The following ANOS1 variants were observed in gnomAD, a reference collection of about 807,000 sequenced individuals.
ANOS1 encodes the protein anosmin 1.
ANOS1 carries 6 observed loss-of-function variants against 59.0 expected under a neutral mutation model. That is an observed-to-expected ratio of 0.10 (90% CI 0.06 to 0.20). The LOEUF is 0.20. Ranked by LOEUF, ANOS1 falls within the 10% of genes least tolerant of loss-of-function variation. The probability of loss-of-function intolerance (pLI) is 1.00; values close to 1 mark genes in which losing one functional copy is unlikely to be tolerated. For synonymous variants in ANOS1, 217 were observed against 223.4 expected (o/e 0.97, Z 0.25); for missense variants, 433 against 542.3 (o/e 0.80, Z 2.00).
At chrX:8,551,562 C>A (rs1390677028) in intron 9 of ANOS1, among the ~76,000 whole-genome samples, 3 of 109,362 alleles carry the variant, frequency 2.7e-5, no homozygotes, top group African/African-American at 1.0e-4. Flanking sequence ...TCGCTTGAAC[C>A]CAGGATGCGG....
intron 3 of ANOS1, among the ~76,000 whole-genome samples, chrX:8,599,244 G>A (rs1177664448): frequency 8.9e-6 from 1 of 112,216 alleles, no homozygotes; most frequent in Non-Finnish European, 1.9e-5. Flanking sequence ...CCTCAACGTT[G>A]GAAGTGGAAG....
intron 1 of ANOS1, among the ~76,000 whole-genome samples, chrX:8,703,449 A>G (rs1209861255): frequency 8.9e-6 from 1 of 112,122 alleles, no homozygotes; most frequent in Non-Finnish European, 1.9e-5. Context: ...TGATGTTTTA[A>G]TACTCACCCC....
At position 8,612,460 on chromosome X, in the gene ANOS1, C is replaced by T. The variant is rs112839903; in HGVS notation, c.318+11148G>A. On this transcript the variant is annotated intron_variant, in intron 3 of 13. Coordinates refer to ENST00000262648, the MANE Select transcript of ANOS1 (RefSeq NM_000216.4). ...ATTATATAAAGAGAGTCAAACTAAT[C>T]AAAATTAAGCAAAAGTAAGGAAATA... Among the ~76,000 whole-genome samples the T allele has an allele frequency of 8.6e-4, 92 of 106,430 alleles. 1 individual carries two copies. Among genetic ancestry groups the T allele is most frequent in the African/African-American group, 3.1e-3 (90 of 29,167 alleles). 92.4% of individuals were successfully genotyped at this position (106,430 alleles called of 115,157 possible).
intron 6 of ANOS1, among the ~76,000 whole-genome samples, chrX:8,578,290 G>A (rs1390666231): frequency 9.8e-6 from 1 of 102,176 alleles, no homozygotes; most frequent in Non-Finnish European, 2.0e-5. Context: ...TCCAGACTTG[G>A]CAGTTGGGGT....
chrX:8,536,206 TTTTTTTTTTTA>T (rs1201697379), intron 11 of ANOS1, among the ~76,000 whole-genome samples: 30 of 77,892 alleles, frequency 3.9e-4, no homozygotes, highest in African/African-American at 9.8e-4. Context: ...TTTTTTTTTT[TTTTTTTTTTTA>T]AAAGGTGAGA....
chrX:8,608,128 A>T (rs1225453975), intron 3 of ANOS1, among the ~76,000 whole-genome samples: 1 of 112,029 alleles, frequency 8.9e-6, no homozygotes, highest in Non-Finnish European at 1.9e-5. Flanking sequence ...TAATTTGGCA[A>T]GTGTCACTTT....
intron 10 of ANOS1, among the ~76,000 whole-genome samples, chrX:8,539,067 G>C (rs1481481860): frequency 9.0e-6 from 1 of 111,257 alleles, no homozygotes; most frequent in Non-Finnish European, 1.9e-5. Context: ...TTAGTTTGTT[G>C]ATTCTAATCT....
intron 9 of ANOS1, among the ~76,000 whole-genome samples, chrX:8,551,633 G>A (rs774140589): frequency 3.7e-5 from 4 of 109,062 alleles, no homozygotes; most frequent in Non-Finnish European, 7.6e-5. Flanking sequence ...TAAGAAGAAA[G>A]TTAAAAATGC....
chrX:8,604,884 C>A (rs5978915), intron 3 of ANOS1, among the ~76,000 whole-genome samples: 7,621 of 112,582 alleles, frequency 0.068, 689 homozygotes, highest in African/African-American at 0.23. Flanking sequence ...AAAAATAGCA[C>A]ATGCTCTTCC....
intron 2 of ANOS1, among the ~76,000 whole-genome samples, chrX:8,668,750 T>A (rs1344163396): frequency 9.1e-6 from 1 of 109,659 alleles, no homozygotes; most frequent in East Asian, 2.9e-4. Flanking sequence ...ATTGGGATTA[T>A]CAACAAAGGT....
chrX:8,531,814 A>G lies in ANOS1; in HGVS notation c.*1181T>C, dbSNP rs1239788393. The G allele has an allele frequency of 2.7e-5, 3 of 111,646 alleles. No homozygotes were observed. The highest frequency in any genetic ancestry group is 5.6e-5 in the Non-Finnish European group (3 of 53,108). The allele number at this position is 111,646 out of a possible 1,213,427, so 9.2% of individuals were successfully genotyped here. ...GTATTCCTTCAAGAAAAAAAACAGT[A>G]TTAAATTAAACTTCTCTGCGTTTTA... On this transcript the variant is annotated 3_prime_UTR_variant, in exon 14 of 14. Coordinates refer to ENST00000262648, the MANE Select transcript of ANOS1 (RefSeq NM_000216.4).
At chrX:8,677,440 C>T (rs777234097) in intron 2 of ANOS1, among the ~76,000 whole-genome samples, 3 of 111,676 alleles carry the variant, frequency 2.7e-5, no homozygotes, top group East Asian at 2.8e-4. Flanking sequence ...CCATACTGAA[C>T]GGAATTGCTT....
At chrX:8,536,696 G>A (rs1397914210) in intron 11 of ANOS1, 75 bp downstream of exon 11, 26 of 861,983 alleles carry the variant, frequency 3.0e-5, no homozygotes, top group Middle Eastern at 3.1e-4. Flanking sequence ...CTTGTGAAAC[G>A]CAGTTTGACA....
rs371623420 is a variant in ANOS1 at position 8,554,027 on chromosome X, G to A, written c.1279C>T (p.Arg427Cys). The change falls in exon 9 of 14, where the codon CGC (arginine) becomes TGC (cysteine). Residue 427 changes from arginine (R) to cysteine (C), a missense_variant. Transcript: ENST00000262648. The part of the protein sequence containing the change: ...QLPFQRRRPT[R>C]PLEVGAPFYQ... ...AAGGGAGCTCCGACTTCCAGCGGGC[G>A]AGTGGGTCGTCGTCTTTGAAAAGGG... The A allele has an allele frequency of 6.0e-5, 72 of 1,204,264 alleles. No individual in the cohort carries two copies. Among genetic ancestry groups the A allele is most frequent in the African/African-American group, 7.0e-5 (4 of 57,170 alleles).
intron 2 of ANOS1, among the ~76,000 whole-genome samples, chrX:8,647,086 T>C (rs918406089): frequency 8.1e-5 from 9 of 110,588 alleles, no homozygotes; most frequent in Non-Finnish European, 1.7e-4. Context: ...CTATTCATCT[T>C]GTATAGGCAG....
chrX:8,645,540 C>T lies in ANOS1; in HGVS notation c.256-21870G>A, dbSNP rs186030422. Among the ~76,000 whole-genome samples, 519 of 111,952 alleles carry T rather than the reference C, an allele frequency of 4.6e-3. 7 individuals are homozygous for T. The highest frequency in any genetic ancestry group is 0.016 in the African/African-American group (496 of 30,830). On this transcript the variant is annotated intron_variant, in intron 2 of 13. Transcript: ENST00000262648. ...TATTACTTCCCCTCTTCATATTTCT[C>T]CACTCTTCTTCTGAATGTGTTCTCT...
chrX:8,530,190 T>G lies in ANOS1; in HGVS notation c.*2805A>C, dbSNP rs1301193303. ...GATAAATTCATCATTAAGGAGCAAA[T>G]GTTGTAAATAAAAATAATGCATGTA... On this transcript the variant is annotated 3_prime_UTR_variant, in exon 14 of 14. Transcript: ENST00000262648. 9.0e-6 allele frequency: 1 copy of G among 111,709 alleles called. No homozygotes were observed. The highest frequency in any genetic ancestry group is 1.9e-5 in the Non-Finnish European group (1 of 53,151). 9.2% of individuals were successfully genotyped at this position (111,709 alleles called of 1,213,427 possible). A position where few individuals can be genotyped will look rare whatever the true frequency, so the allele number is the denominator to read the frequency against.
chrX:8,533,547 T>G (rs1929534823), intron 13 of ANOS1, among the ~76,000 whole-genome samples: 1 of 112,211 alleles, frequency 8.9e-6, no homozygotes, highest in African/African-American at 3.2e-5. Flanking sequence ...GAGTTAAAAC[T>G]ATGACTAATT....
chrX:8,538,155 C>T (rs931541335), intron 10 of ANOS1, among the ~76,000 whole-genome samples: 6 of 111,154 alleles, frequency 5.4e-5, no homozygotes, highest in African/African-American at 1.3e-4. Context: ...AAGCCAAGGC[C>T]ACCATGTTTC....
Sources: allele counts gnomAD v4.1 joint callset (sites outside exome capture counted in the v4.1 genomes callset), GRCh38; gene constraint gnomAD v4.1.1; transcripts MANE v1.5; gene names NCBI Gene and HGNC (gene_info 2026-07-23, HGNC 2026-07-21).